The following SCRG1 variants were observed in gnomAD, a reference collection of about 807,000 sequenced individuals.
SCRG1 encodes scrapie-responsive protein 1.
A neutral mutation model predicts 7.7 loss-of-function variants in SCRG1; 3 were observed. The observed-to-expected ratio is 0.39, with a 90% CI of 0.18 to 1.01. SCRG1 has a LOEUF of 1.01. Among genes scored for constraint, SCRG1 ranks in the 50% least tolerant of loss-of-function variants. The pLI is 0.36. For synonymous variants in SCRG1, 46 were observed against 41.2 expected (o/e 1.12, Z -0.44); for missense variants, 110 against 117.2 (o/e 0.94, Z 0.28).
At chr4:173,412,082 T>C in the SCRG1 span, among the ~76,000 whole-genome samples, 1 of 152,338 alleles carries the variant, frequency 6.6e-6, no homozygotes, top group Admixed American at 6.5e-5. Context: ...ACTGTGTCTG[T>C]CTCAGCTTCC....
At chr4:173,394,307 G>A (rs1053403007) in intron 1 of SCRG1, among the ~76,000 whole-genome samples, 1 of 150,368 alleles carries the variant, frequency 6.7e-6, no homozygotes, top group Admixed American at 6.6e-5. Flanking sequence ...TGTGTAAACT[G>A]CTATAGGTAT....
chr4:173,482,768 T>A, the SCRG1 span, among the ~76,000 whole-genome samples: 1 of 151,122 alleles, frequency 6.6e-6, no homozygotes. Flanking sequence ...CAGTGAGCTA[T>A]GAATGTGCCA....
chr4:173,478,844 C>A, the SCRG1 span, among the ~76,000 whole-genome samples: 13,747 of 152,216 alleles, frequency 0.09, 944 homozygotes, highest in East Asian at 0.28. Flanking sequence ...CGAACGGACA[C>A]AGACTTTAGG....
At chr4:173,441,876 C>G in the SCRG1 span, among the ~76,000 whole-genome samples, 1 of 152,120 alleles carries the variant, frequency 6.6e-6, no homozygotes, top group Non-Finnish European at 1.5e-5. Flanking sequence ...AAGACCCTGT[C>G]TCTCAATTTA....
At chr4:173,397,161 A>C (rs969080951) in intron 1 of SCRG1, among the ~76,000 whole-genome samples, 2 of 152,250 alleles carry the variant, frequency 1.3e-5, no homozygotes, top group Non-Finnish European at 2.9e-5. Flanking sequence ...TTTAACTATT[A>C]TTTAGCAAAT....
At chr4:173,420,705 G>GA in the SCRG1 span, among the ~76,000 whole-genome samples, 3,697 of 134,258 alleles carry the variant, frequency 0.028, 66 homozygotes, top group African/African-American at 0.05. Context: ...GAGCCAAGCT[G>GA]AAAAAAAAAA....
At chr4:173,446,704 C>A in the SCRG1 span, 1 of 152,194 alleles carries the variant, frequency 6.6e-6, no homozygotes, top group Non-Finnish European at 1.5e-5. Flanking sequence ...GAAGCAAGCA[C>A]AGTGTACATG....
At chr4:173,484,791 C>CATATTATATATTAT in the SCRG1 span, among the ~76,000 whole-genome samples, 1 of 79,668 alleles carries the variant, frequency 1.3e-5, no homozygotes, top group Admixed American at 2.4e-4. Context: ...ACATGTAATA[C>CATATTATATATTAT]ATATTATATA....
chr4:173,508,707 C>G, the SCRG1 span, among the ~76,000 whole-genome samples: 1 of 152,202 alleles, frequency 6.6e-6, no homozygotes, highest in South Asian at 2.1e-4. This position sits in a 1 kb window ranked among gnomAD's most constrained non-coding sequence, Gnocchi z 4.4. Context: ...ACCTCCTACC[C>G]AACCTGCCCC....
chr4:173,412,356 A>G, the SCRG1 span, among the ~76,000 whole-genome samples: 1 of 152,222 alleles, frequency 6.6e-6, no homozygotes, highest in African/African-American at 2.4e-5. Context: ...ATGTTAGAAC[A>G]AGGCCATGAA....
the SCRG1 span, among the ~76,000 whole-genome samples, chr4:173,447,710 G>A: frequency 6.6e-6 from 1 of 152,102 alleles, no homozygotes; most frequent in East Asian, 1.9e-4. Flanking sequence ...AAGTGCTGCT[G>A]AAGTAAGCAC....
At chr4:173,483,942 A>C in the SCRG1 span, among the ~76,000 whole-genome samples, 1 of 92,134 alleles carries the variant, frequency 1.1e-5, no homozygotes, top group South Asian at 3.6e-4. Flanking sequence ...ATATAATATA[A>C]ATCATATATA....
the SCRG1 span, among the ~76,000 whole-genome samples, chr4:173,449,435 CTTTT>C: frequency 2.1e-4 from 24 of 115,856 alleles, no homozygotes; most frequent in Non-Finnish European, 2.6e-4. Flanking sequence ...CATGATAAAT[CTTTT>C]TTTTTTTTTT....
the SCRG1 span, among the ~76,000 whole-genome samples, chr4:173,479,513 T>C: frequency 2.6e-4 from 38 of 148,710 alleles, no homozygotes; most frequent in East Asian, 7.9e-3. Flanking sequence ...TGATCTAGGA[T>C]CACTGCAGCC....
chr4:173,449,427 T>A, the SCRG1 span, among the ~76,000 whole-genome samples: 3 of 142,958 alleles, frequency 2.1e-5, no homozygotes, highest in African/African-American at 7.6e-5. Flanking sequence ...AGAGCATACA[T>A]GATAAATCTT....
At chr4:173,413,416 G>A in the SCRG1 span, among the ~76,000 whole-genome samples, 1 of 152,198 alleles carries the variant, frequency 6.6e-6, no homozygotes, top group African/African-American at 2.4e-5. Flanking sequence ...AATTGGTGCT[G>A]AACAAGTCTA....
the SCRG1 span, among the ~76,000 whole-genome samples, chr4:173,500,028 T>C: frequency 1.3e-5 from 2 of 152,308 alleles, no homozygotes; most frequent in South Asian, 4.1e-4. Context: ...AAGTGTTTAA[T>C]TTGTCCTTCA....
chr4:173,482,529 G>A, the SCRG1 span, among the ~76,000 whole-genome samples: 5 of 152,066 alleles, frequency 3.3e-5, no homozygotes, highest in East Asian at 1.9e-4. Context: ...TGAGGCAAAG[G>A]CAGAAGCACA....
chr4:173,475,035 ATC>A, the SCRG1 span, among the ~76,000 whole-genome samples: 2 of 150,352 alleles, frequency 1.3e-5, no homozygotes, highest in African/African-American at 4.9e-5. Context: ...ATATTTTGAA[ATC>A]TCTCTCTCTT....
Sources: gnomAD v4.1 joint callset for allele counts (sites outside exome capture counted in the v4.1 genomes callset) on GRCh38, gnomAD v4.1.1 for gene constraint, Gnocchi (gnomAD v3.1) non-coding constraint, MANE v1.5 for transcripts, NCBI Gene and HGNC (gene_info 2026-07-23, HGNC 2026-07-21) for gene names.